The following ZNF780B variants were observed in gnomAD, a reference collection of about 807,000 sequenced individuals.
The protein encoded by ZNF780B is zinc finger protein 780B.
A neutral mutation model predicts 74.1 loss-of-function variants in ZNF780B; 52 were observed. That is an observed-to-expected ratio of 0.70 (90% CI 0.56 to 0.88). The LOEUF is 0.88. Ranked by LOEUF, ZNF780B falls within the 40% of genes least tolerant of loss-of-function variation. The pLI is 0.00. For missense variants in ZNF780B, 953 were observed against 1,007.6 expected (o/e 0.95, Z 0.73); for synonymous variants, 315 against 324.3 (o/e 0.97, Z 0.31).
chr19:40,036,304 A>G lies in ZNF780B; in HGVS notation c.555T>C (p.Ser185=). Residue 185 remains serine, a synonymous_variant, in exon 5 of 5, where the codon AGT becomes AGC. Transcript: ENST00000434248. ...SCGSNLIQHQ[S]IHTGEKPYKC... is the part of the protein sequence containing the mutation. ...TATAGGGTTTCTCTCCAGTATGAAT[A>G]CTCTGATGCTGAATAAGATTTGAAC... 6.2e-7 allele frequency: 1 copy of G among 1,613,704 alleles called. No homozygotes were observed. Among genetic ancestry groups the G allele is most frequent in the East Asian group, 2.2e-5 (1 of 44,840 alleles).
chr19:40,045,354 T>C (rs1972886651), intron 4 of ZNF780B, among the ~76,000 whole-genome samples: 1 of 152,000 alleles, frequency 6.6e-6, no homozygotes, highest in Non-Finnish European at 1.5e-5. Context: ...AAAAGGGAAC[T>C]CTTATATACT....
In ZNF780B at chr19:40,029,746, C is replaced by T. The variant is rs760542973; in HGVS notation, c.*4611G>A. 4 of 151,976 alleles carry T rather than the reference C, an allele frequency of 2.6e-5. No individual in the cohort carries two copies. Among genetic ancestry groups the T allele is most frequent in the Non-Finnish European group, 4.4e-5 (3 of 68,030 alleles). 9.4% of individuals were successfully genotyped at this position (151,976 alleles called of 1,614,324 possible). ...TAAATCATGAGTTGATTCCATGACT[C>T]AGGACAAGAGGCATGGGGGACATGA... On this transcript the variant is annotated 3_prime_UTR_variant, in exon 5 of 5. Transcript: ENST00000434248.
rs747464666 is a variant in ZNF780B at position 40,028,401 on chromosome 19, A to C, written c.*5956T>G. 1.1e-4 allele frequency: 16 copies of C among 152,206 alleles called. No homozygotes were observed. The highest frequency in any genetic ancestry group is 2.1e-4 in the Non-Finnish European group (14 of 68,036). The allele number at this position is 152,206 out of a possible 1,614,324, so 9.4% of individuals were successfully genotyped here. Reference sequence around the variant, plus strand: ...CATTCTGGAGAATCATAGATGTGGCAGAAATACATATTCTTGAAGAAAAAA... The same window carrying C: ...CATTCTGGAGAATCATAGATGTGGCCGAAATACATATTCTTGAAGAAAAAA... On this transcript the variant is annotated 3_prime_UTR_variant, in exon 5 of 5. Coordinates refer to ENST00000434248, the MANE Select transcript of ZNF780B (RefSeq NM_001005851.3).
At position 40,032,362 on chromosome 19, in the gene ZNF780B, C is replaced by A; in HGVS notation, c.*1995G>T. 2.5e-6 allele frequency: 1 copy of A among 393,554 alleles called. No homozygotes were observed. The allele number at this position is 393,554 out of a possible 1,614,324, so 24.4% of individuals were successfully genotyped here. On this transcript the variant is annotated 3_prime_UTR_variant, in exon 5 of 5. Transcript: ENST00000434248. Reference sequence around the variant, plus strand: ...ATACTTTCATGGGGTTTCCATGCTACAATACACTAAAGAGAGATAACCAAA... The same window carrying A: ...ATACTTTCATGGGGTTTCCATGCTAAAATACACTAAAGAGAGATAACCAAA...
rs551578244 is a variant in ZNF780B, at chr19:40,032,166, T to A, written c.*2191A>T. 21 of 432,026 alleles carry A rather than the reference T, an allele frequency of 4.9e-5. No individual in the cohort carries two copies. Among genetic ancestry groups the A allele is most frequent in the South Asian group, 2.0e-4 (12 of 61,284 alleles). The allele number at this position is 432,026 out of a possible 1,614,324, so 26.8% of individuals were successfully genotyped here. On this transcript the variant is annotated 3_prime_UTR_variant, in exon 5 of 5. Coordinates refer to ENST00000434248, the MANE Select transcript of ZNF780B (RefSeq NM_001005851.3). Reference sequence around the variant, plus strand: ...TACTCAAAATTCAATGTCATTTTTTTAAAATGAGAAATGTTCTAGACCAGT... The same window carrying A: ...TACTCAAAATTCAATGTCATTTTTTAAAAATGAGAAATGTTCTAGACCAGT...
chr19:40,044,394 C>T (rs532794661), intron 4 of ZNF780B, among the ~76,000 whole-genome samples: 1 of 152,266 alleles, frequency 6.6e-6, no homozygotes, highest in South Asian at 2.1e-4. Context: ...AGAAAAGCAT[C>T]TAGTCACTTA....
chr19:40,036,597 T>C lies in ZNF780B; in HGVS notation c.262A>G (p.Ile88Val). The C allele has an allele frequency of 2.6e-6, 4 of 1,553,782 alleles. No individual in the cohort carries two copies. Among genetic ancestry groups the C allele is most frequent in the Non-Finnish European group, 8.7e-7 (1 of 1,153,490 alleles). Residue 88 changes from isoleucine to valine, a missense_variant, in exon 5 of 5, where the codon ATA becomes GTA. Coordinates refer to ENST00000434248, the MANE Select transcript of ZNF780B (RefSeq NM_001005851.3). ...TCAAAAATATCATTTTCTGGAGATA[T>C]TTTCTCAGGTCCATATTTTGACTCC... ...DLESKYGPEK[I>V]SPENDIFEIN...
rs754930137 is a variant in ZNF780B, at chr19:40,035,160, G to A, written c.1699C>T (p.Arg567Cys). The change falls in exon 5 of 5, where the codon CGT becomes TGT. Residue 567 changes from arginine to cysteine, a missense_variant. By Grantham distance (180) the Arg-to-Cys change is radical. Transcript: ENST00000434248. ...FECKECGKFF[R>C]RGSNLNQHRS... ...TGTTGATTAAGATTTGAACCACGACGAAAGAATTTCCCACATTCCTTACAT... is the reference window on the plus strand; with the variant it reads ...TGTTGATTAAGATTTGAACCACGACAAAAGAATTTCCCACATTCCTTACAT... 4.9e-5 allele frequency: 79 copies of A among 1,613,050 alleles called. No individual in the cohort carries two copies. The highest frequency in any genetic ancestry group is 1.3e-4 in the East Asian group (6 of 44,796).
At position 40,028,334 on chromosome 19, in the gene ZNF780B, A is replaced by G. The variant is rs1476545101; in HGVS notation, c.*6023T>C. The G allele has an allele frequency of 6.6e-6, 1 of 152,150 alleles. No individual in the cohort carries two copies. Among genetic ancestry groups the G allele is most frequent in the Non-Finnish European group, 1.5e-5 (1 of 68,024 alleles). The allele number at this position is 152,150 out of a possible 1,614,324, so 9.4% of individuals were successfully genotyped here. The stretch of plus-strand genomic sequence containing the variant: ...CCATCTACCATCCAGAAGTGGAACT[A>G]CATATAGTCATTTAACAATAGTTTA... On this transcript the variant is annotated 3_prime_UTR_variant, in exon 5 of 5. Transcript: ENST00000434248.
At chr19:40,050,483 C>G in intron 1 of ZNF780B, 106 bp from the exon 2 acceptor site, 3 of 1,100,052 alleles carry the variant, frequency 2.7e-6, no homozygotes, top group Non-Finnish European at 3.9e-6. Flanking sequence ...TACTCCTGCT[C>G]ACACGCACAC....
chr19:40,046,070 T>C (rs1386976639), intron 4 of ZNF780B, among the ~76,000 whole-genome samples: 1 of 151,966 alleles, frequency 6.6e-6, no homozygotes, highest in Non-Finnish European at 1.5e-5. Context: ...AAGAATAGAA[T>C]GATAGAAACC....
rs369558744 is a variant in ZNF780B, at chr19:40,048,722, C to G, written c.84G>C (p.Arg28Ser). ...CCAACATCACATCCCTGTACAAGGT[C>G]CTCTGATCAGGCTGCAGGCACTCCC... ...EEWECLQPDQ[R>S]TLYRDVMLEN... The change falls in exon 3 of 5, where the codon AGG (arginine) becomes AGC (serine). Residue 28 changes from arginine (R) to serine (S), a missense_variant. Coordinates refer to ENST00000434248, the MANE Select transcript of ZNF780B (RefSeq NM_001005851.3). The G allele has an allele frequency of 2.1e-5, 34 of 1,614,068 alleles. No individual in the cohort carries two copies. Among genetic ancestry groups the G allele is most frequent in the Non-Finnish European group, 2.7e-5 (32 of 1,180,018 alleles).
chr19:40,034,948 A>G lies in ZNF780B; in HGVS notation c.1911T>C (p.Gly637=), dbSNP rs1972178698. The change falls in exon 5 of 5, where the codon GGT becomes GGC. Residue 637 remains glycine, a synonymous_variant. Coordinates refer to ENST00000434248, the MANE Select transcript of ZNF780B (RefSeq NM_001005851.3). ...ATTCTTTACATTTAAATGGCTTCTC[A>G]CCTGTGTGAATGTTCTTATGGTGAT... The part of the protein sequence containing the change: ...QLNHHKNIHT[G]EKPFKCKECG... 6.2e-7 allele frequency: 1 copy of G among 1,614,008 alleles called. No individual in the cohort carries two copies. Among genetic ancestry groups the G allele is most frequent in the East Asian group, 2.2e-5 (1 of 44,856 alleles).
Position 40,040,278 on chromosome 19 carries a change from A to T in ZNF780B, c.233-3652T>A, listed in dbSNP as rs1042876817. Among the ~76,000 whole-genome samples, 254 of 151,966 alleles carry T rather than the reference A, an allele frequency of 1.7e-3. 1 individual carries two copies. Among genetic ancestry groups the T allele is most frequent in the African/African-American group, 5.8e-3 (239 of 41,452 alleles). On this transcript the variant is annotated intron_variant, in intron 4 of 4. Coordinates refer to ENST00000434248, the MANE Select transcript of ZNF780B (RefSeq NM_001005851.3). ...ATGAAGCCCACTTGATCATGGTGGA[A>T]AAGCTTTTTGATGTGCTGCTGGATT...
chr19:40,034,414 T>C lies in ZNF780B; in HGVS notation c.2445A>G (p.Gly815=), dbSNP rs1454409583. The change falls in exon 5 of 5, where the codon GGA becomes GGG. Residue 815 remains glycine (G), a synonymous_variant. Coordinates refer to ENST00000434248, the MANE Select transcript of ZNF780B (RefSeq NM_001005851.3). ...AGTTGCTACTGATGTCTGAAGGCTG[T>C]CCCACATTTCTTACATTCAAAGGGT... ...VRNPLNVRNV[G]QPSDISSNLL... 1 of 1,613,826 alleles carries C rather than the reference T, an allele frequency of 6.2e-7. No individual in the cohort carries two copies. Among genetic ancestry groups the C allele is most frequent in the Non-Finnish European group, 8.5e-7 (1 of 1,179,882 alleles).
chr19:40,036,931 G>T (rs375147689), intron 4 of ZNF780B, among the ~76,000 whole-genome samples: 5 of 147,622 alleles, frequency 3.4e-5, no homozygotes, highest in African/African-American at 1.3e-4. Flanking sequence ...TTTTTAAGAC[G>T]AAGTTTCACT....
At position 40,034,224 on chromosome 19, in the gene ZNF780B, T is replaced by C; in HGVS notation, c.*133A>G. Reference sequence around the variant, plus strand: ...ATGAATTCTCTGATGTACTCTAAGGTTTCTACCACTGGTAAAGCATTTCCC... The same window carrying C: ...ATGAATTCTCTGATGTACTCTAAGGCTTCTACCACTGGTAAAGCATTTCCC... On this transcript the variant is annotated 3_prime_UTR_variant, in exon 5 of 5. Coordinates refer to ENST00000434248, the MANE Select transcript of ZNF780B (RefSeq NM_001005851.3). 1.3e-6 allele frequency: 1 copy of C among 782,310 alleles called. No individual in the cohort carries two copies. Among genetic ancestry groups the C allele is most frequent in the Non-Finnish European group, 2.1e-6 (1 of 478,312 alleles). 48.5% of individuals were successfully genotyped at this position (782,310 alleles called of 1,614,324 possible). A position where few individuals can be genotyped will look rare whatever the true frequency, so the allele number is the denominator to read the frequency against.
At position 40,036,158 on chromosome 19, in the gene ZNF780B, G is replaced by GT; in HGVS notation, c.700dup (p.Thr234AsnfsTer4). The GT allele has an allele frequency of 6.2e-7, 1 of 1,613,928 alleles. No individual in the cohort carries two copies. Among genetic ancestry groups the GT allele is most frequent in the South Asian group, 1.1e-5 (1 of 91,038 alleles). On this transcript the variant is annotated frameshift_variant, in exon 5 of 5. Transcript: ENST00000434248. LOFTEE classifies it high-confidence loss of function. ...AATGTTCTTATGGCGATTAAGCTGG[G>GT]TGGGAAGATTAAAGGCTTTTCCACA...
At chr19:40,047,979 C>T (rs1269109380) in intron 3 of ZNF780B, among the ~76,000 whole-genome samples, 1 of 152,130 alleles carries the variant, frequency 6.6e-6, no homozygotes, top group East Asian at 1.9e-4. Context: ...ACATTTACAG[C>T]TCATTTTAAG....
Sources: gnomAD v4.1 joint callset for allele counts (sites outside exome capture counted in the v4.1 genomes callset) on GRCh38, gnomAD v4.1.1 for gene constraint, MANE v1.5 for transcripts, NCBI Gene and HGNC (gene_info 2026-07-23, HGNC 2026-07-21) for gene names.